GRK5: variants seen among roughly 807,000 people sequenced by gnomAD.
GRK5 encodes G protein-coupled receptor kinase 5.
A neutral mutation model predicts 78.4 loss-of-function variants in GRK5; 40 were observed. That is an observed-to-expected ratio of 0.51 (90% CI 0.40 to 0.66). The LOEUF (loss-of-function observed/expected upper bound fraction) is 0.66. GRK5 is among the 30% of genes least tolerant of loss of function. GRK5 has a pLI of 0.00. For synonymous variants in GRK5, 289 were observed against 296.8 expected (o/e 0.97, Z 0.27); for missense variants, 598 against 759.9 (o/e 0.79, Z 2.50).
chr10:119,225,940 C>G (rs2133717106), intron 1 of GRK5, among the ~76,000 whole-genome samples: 1 of 152,006 alleles, frequency 6.6e-6, no homozygotes, highest in East Asian at 1.9e-4. Flanking sequence ...GCTCCGCCTC[C>G]CGGGTTCACG....
chr10:119,251,837 G>A (rs944842098), intron 1 of GRK5, among the ~76,000 whole-genome samples: 4 of 152,166 alleles, frequency 2.6e-5, no homozygotes. Context: ...TTTGTCAAAT[G>A]TCCTCTTGGG....
intron 2 of GRK5, among the ~76,000 whole-genome samples, chr10:119,373,826 A>T (rs1282262116): frequency 6.6e-6 from 1 of 152,230 alleles, no homozygotes; most frequent in East Asian, 1.9e-4. Flanking sequence ...TTCATATAAA[A>T]AATGCAATAT....
At chr10:119,359,393 G>A (rs542034761) in intron 2 of GRK5, among the ~76,000 whole-genome samples, 70 of 152,336 alleles carry the variant, frequency 4.6e-4, no homozygotes, top group Middle Eastern at 6.8e-3. Flanking sequence ...GGGAGCCTCC[G>A]GGTCCTGCGT....
At chr10:119,332,632 T>A (rs1392826611) in intron 2 of GRK5, among the ~76,000 whole-genome samples, 1 of 152,220 alleles carries the variant, frequency 6.6e-6, no homozygotes, top group African/African-American at 2.4e-5. Context: ...ATGGACTCTC[T>A]AAATCCTATC....
At chr10:119,354,629 TAGGCTC>T (rs1211799338) in intron 2 of GRK5, among the ~76,000 whole-genome samples, 1 of 152,168 alleles carries the variant, frequency 6.6e-6, no homozygotes, top group African/African-American at 2.4e-5. Context: ...CTCAAACTCC[TAGGCTC>T]AAGTGATCCT....
chr10:119,406,952 T>C (rs1021902311), intron 4 of GRK5, among the ~76,000 whole-genome samples: 6 of 152,346 alleles, frequency 3.9e-5, no homozygotes, highest in Middle Eastern at 6.8e-3. Flanking sequence ...CATGTTTTGC[T>C]AAGTCCTCAT....
At chr10:119,269,931 G>A (rs986793469) in intron 1 of GRK5, among the ~76,000 whole-genome samples, 1 of 151,776 alleles carries the variant, frequency 6.6e-6, no homozygotes, top group Non-Finnish European at 1.5e-5. Flanking sequence ...AGCCTGGGGT[G>A]TTGGCCTTTG....
intron 2 of GRK5, among the ~76,000 whole-genome samples, chr10:119,327,695 C>T (rs968592315): frequency 2.6e-5 from 4 of 152,304 alleles, no homozygotes; most frequent in Middle Eastern, 3.4e-3. Flanking sequence ...ACCTGCCACC[C>T]CCAGGCTTGC....
chr10:119,446,037 C>T (rs1853139857), intron 12 of GRK5, among the ~76,000 whole-genome samples: 1 of 152,124 alleles, frequency 6.6e-6, no homozygotes, highest in Non-Finnish European at 1.5e-5. Flanking sequence ...CAGCACTGGG[C>T]CTTAGCCCCC....
chr10:119,269,855 A>AG lies in GRK5; in HGVS notation c.53-56660dup, dbSNP rs71016560. Reference sequence around the variant, plus strand: ...CTTAAAAAAAAAAAAAAAAAAAAAAAGTTGCTGAGTTGGCTCTCCAAGCCT... The same window carrying AG: ...CTTAAAAAAAAAAAAAAAAAAAAAAAGGTTGCTGAGTTGGCTCTCCAAGCCT... On this transcript the variant is annotated intron_variant, in intron 1 of 15. Coordinates refer to ENST00000392870, the MANE Select transcript of GRK5 (RefSeq NM_005308.3). Among the ~76,000 whole-genome samples, 5 of 148,440 alleles carry AG rather than the reference A, an allele frequency of 3.4e-5. No homozygotes were observed. In the East Asian group the frequency reaches 1.0e-3, roughly 30 times the overall value.
intron 6 of GRK5, among the ~76,000 whole-genome samples, chr10:119,427,750 A>T (rs1852726831): frequency 7.4e-6 from 1 of 135,220 alleles, no homozygotes; most frequent in Non-Finnish European, 1.5e-5. Context: ...CACTGCCATC[A>T]TCAGTATTAC....
intron 4 of GRK5, among the ~76,000 whole-genome samples, chr10:119,417,221 A>C (rs566026477): frequency 6.6e-6 from 1 of 152,174 alleles, no homozygotes; most frequent in African/African-American, 2.4e-5. Flanking sequence ...TGGGTGATCC[A>C]CACGTGCTTC....
chr10:119,448,236 G>A lies in GRK5; in HGVS notation c.1380G>A (p.Met460Ile). 1 of 1,596,688 alleles carries A rather than the reference G, an allele frequency of 6.3e-7. No homozygotes were observed. The highest frequency in any genetic ancestry group is 8.5e-7 in the Non-Finnish European group (1 of 1,172,666). Reference protein sequence around the residue: ...NMNFKRLEAGMLDPPFVPDPR... With the variant: ...NMNFKRLEAGILDPPFVPDPR... ...ACTTCAAGCGCTTAGAAGCCGGGAT[G>A]TTGGACCCTCCCTTCGTTCCAGACG... Residue 460 changes from methionine (M) to isoleucine (I), a missense_variant, in exon 13 of 16, where the codon ATG (methionine) becomes ATA (isoleucine). By Grantham distance (10) the Met-to-Ile change is conservative. Coordinates refer to ENST00000392870, the MANE Select transcript of GRK5 (RefSeq NM_005308.3).
chr10:119,260,864 T>G (rs1213489937), intron 1 of GRK5, among the ~76,000 whole-genome samples: 4 of 152,052 alleles, frequency 2.6e-5, no homozygotes. Context: ...CTTTCCCCGC[T>G]TTCTATTCCA....
chr10:119,285,010 G>A (rs1282741750), intron 1 of GRK5, among the ~76,000 whole-genome samples: 2 of 152,162 alleles, frequency 1.3e-5, no homozygotes, highest in East Asian at 1.9e-4. Context: ...CAACACTCCC[G>A]GAGCCCAGAA....
At chr10:119,363,422 A>C (rs1482570151) in intron 2 of GRK5, among the ~76,000 whole-genome samples, 1 of 152,216 alleles carries the variant, frequency 6.6e-6, no homozygotes, top group Non-Finnish European at 1.5e-5. Context: ...AGTAAATCTG[A>C]GAAAAGGTCA....
chr10:119,394,274 G>GTA (rs1564916899), intron 3 of GRK5, among the ~76,000 whole-genome samples: 1 of 28,404 alleles, frequency 3.5e-5, no homozygotes, highest in Non-Finnish European at 7.5e-5. Context: ...GTGTGTGTGG[G>GTA]CGTGTGTGTG....
At chr10:119,368,895 C>T (rs1013953584) in intron 2 of GRK5, among the ~76,000 whole-genome samples, 2 of 152,234 alleles carry the variant, frequency 1.3e-5, no homozygotes, top group Non-Finnish European at 2.9e-5. Flanking sequence ...CTACTTGGTT[C>T]AGGGAGGCCT....
intron 1 of GRK5, among the ~76,000 whole-genome samples, chr10:119,294,501 C>G (rs145180033): frequency 5.5e-4 from 83 of 152,284 alleles, no homozygotes; most frequent in African/African-American, 1.9e-3. Context: ...GGGCTTTTCT[C>G]TCCAAATGCT....
Sources: allele counts gnomAD v4.1 joint callset (sites outside exome capture counted in the v4.1 genomes callset), GRCh38; gene constraint gnomAD v4.1.1; transcripts MANE v1.5; gene names NCBI Gene and HGNC (gene_info 2026-07-23, HGNC 2026-07-21).